IQSEC1: variants seen among roughly 807,000 people sequenced by gnomAD.
IQSEC1 encodes IQ motif and Sec7 domain ArfGEF 1, also known as IQ motif and SEC7 domain-containing protein 1.
IQSEC1 carries 31 observed loss-of-function variants against 91.0 expected under a neutral mutation model. The ratio of observed to expected loss-of-function variants is 0.34; its 90% CI spans 0.26 to 0.46. The LOEUF is 0.46. Among genes scored for constraint, IQSEC1 ranks in the 20% least tolerant of loss-of-function variants. IQSEC1 has a pLI of 1.00. For synonymous variants in IQSEC1, 699 were observed against 662.6 expected (o/e 1.05, Z -0.84); for missense variants, 1,388 against 1,575.6 (o/e 0.88, Z 2.02).
chr3:13,044,284 C>A (rs1208798830), intron 1 of IQSEC1, among the ~76,000 whole-genome samples: 1 of 152,148 alleles, frequency 6.6e-6, no homozygotes. Flanking sequence ...GGAGAGAGTG[C>A]CAGCATCCAG....
intron 1 of IQSEC1, among the ~76,000 whole-genome samples, chr3:12,988,277 T>C (rs1220485724): frequency 1.3e-5 from 2 of 152,042 alleles, no homozygotes; most frequent in East Asian, 3.9e-4. Context: ...TAGCCAGGCG[T>C]GGTGGTAGGA....
rs1694452940 is a variant in IQSEC1, at chr3:13,211,780, C to A, written c.273-47647G>T. Among the ~76,000 whole-genome samples the A allele has an allele frequency of 6.6e-6, 1 of 152,312 alleles. No homozygotes were observed. Among genetic ancestry groups the A allele is most frequent in the South Asian group, 2.1e-4 (1 of 4,820 alleles). On this transcript the variant is annotated intron_variant, in intron 1 of 15. Transcript: ENST00000648114. This position sits in a 1 kb window ranked among gnomAD's most constrained non-coding sequence, Gnocchi z 5.3. The stretch of plus-strand genomic sequence containing the variant: ...CTTCCTGGAAGGCCCTCTCTCCCTG[C>A]CCCCATCCTGGCAGATGAAATCCCT...
intron 3 of IQSEC1, among the ~76,000 whole-genome samples, chr3:12,932,397 T>A (rs1336279169): frequency 6.6e-6 from 1 of 152,232 alleles, no homozygotes; most frequent in Non-Finnish European, 1.5e-5. Flanking sequence ...AGGAGCCAAG[T>A]GGCCAGGGTG....
intron 1 of IQSEC1, among the ~76,000 whole-genome samples, chr3:13,213,619 T>C (rs1259317947): frequency 6.6e-6 from 1 of 152,190 alleles, no homozygotes; most frequent in Non-Finnish European, 1.5e-5. Context: ...GCCATGTTTT[T>C]AGTCATGAAA....
At chr3:13,045,074 A>T (rs929144750) in intron 1 of IQSEC1, among the ~76,000 whole-genome samples, 1 of 152,192 alleles carries the variant, frequency 6.6e-6, no homozygotes, top group African/African-American at 2.4e-5. Flanking sequence ...GCAAGATGGC[A>T]GGATGGGGCA....
rs142810623 is a variant in IQSEC1, at chr3:13,188,792, G to A, written c.273-24659C>T. On this transcript the variant is annotated intron_variant, in intron 1 of 15. Transcript: ENST00000648114. The stretch of plus-strand genomic sequence containing the variant: ...TCCACAGGAAAAAGCCAACTAGAGG[G>A]AAGCAGAGCTGAGAGAGGGAAAGAG... 2.1e-3 allele frequency among the ~76,000 whole-genome samples: 320 copies of A among 152,370 alleles called. 2 individuals are homozygous for A. The highest frequency in any genetic ancestry group is 7.5e-3 in the African/African-American group (312 of 41,582).
chr3:12,936,374 G>A lies in IQSEC1; in HGVS notation c.642C>T (p.Pro214=). 1 of 1,598,674 alleles carries A rather than the reference G, an allele frequency of 6.3e-7. No individual in the cohort carries two copies. The highest frequency in any genetic ancestry group is 1.1e-5 in the South Asian group (1 of 89,506). The change falls in exon 3 of 14, where the codon CCC becomes CCT. Residue 214 remains proline, a synonymous_variant. Transcript: ENST00000613206. The part of the protein sequence containing the change: ...SEPTTLKSPA[P]SSDFADAITE... Reference sequence around the variant, plus strand: ...TGATGGCGTCCGCAAAGTCACTGGAGGGGGCCGGAGACTTGAGGGTGGTGG... The same window carrying A: ...TGATGGCGTCCGCAAAGTCACTGGAAGGGGCCGGAGACTTGAGGGTGGTGG...
chr3:13,274,055 G>A (rs1224095834), intron 1 of IQSEC1, among the ~76,000 whole-genome samples: 1 of 152,218 alleles, frequency 6.6e-6, no homozygotes, highest in African/African-American at 2.4e-5. Flanking sequence ...GGGGGAGAAA[G>A]TACAAGCAAA....
chr3:13,095,827 C>T (rs1253388436), intron 2 of IQSEC1, among the ~76,000 whole-genome samples: 3 of 152,188 alleles, frequency 2.0e-5, no homozygotes, highest in South Asian at 2.1e-4. Context: ...CACGCAAAAG[C>T]GCTGAGCCAG....
intron 2 of IQSEC1, among the ~76,000 whole-genome samples, chr3:13,148,542 A>G (rs1346848333): frequency 1.3e-5 from 2 of 152,212 alleles, no homozygotes; most frequent in African/African-American, 4.8e-5. Flanking sequence ...TTGCAGGTTT[A>G]TGGGTTTTTG....
intron 2 of IQSEC1, among the ~76,000 whole-genome samples, chr3:13,115,031 C>G (rs1413390143): frequency 1.3e-5 from 2 of 151,980 alleles, no homozygotes; most frequent in Non-Finnish European, 2.9e-5. Context: ...CTGGAGGTGC[C>G]GGGCAGGGGG....
intron 1 of IQSEC1, among the ~76,000 whole-genome samples, chr3:13,009,894 A>G (rs1702804097): frequency 6.6e-6 from 1 of 151,978 alleles, no homozygotes; most frequent in South Asian, 2.1e-4. Flanking sequence ...TCCTCCATCC[A>G]AGCTCCCTAG....
At chr3:13,280,353 G>A (rs537299070) in intron 1 of IQSEC1, among the ~76,000 whole-genome samples, 2 of 152,306 alleles carry the variant, frequency 1.3e-5, no homozygotes, top group South Asian at 4.1e-4. Flanking sequence ...ATGTTCCTTA[G>A]GCATAAATCA....
At chr3:13,239,004 CT>C in intron 1 of IQSEC1, among the ~76,000 whole-genome samples, 1 of 152,314 alleles carries the variant, frequency 6.6e-6, no homozygotes. Context: ...GCCCACCAGC[CT>C]TTCCTCATTC....
intron 2 of IQSEC1, among the ~76,000 whole-genome samples, chr3:13,100,168 C>T (rs552183580): frequency 1.4e-5 from 2 of 147,878 alleles, no homozygotes; most frequent in East Asian, 1.9e-4. Flanking sequence ...GGAGAGACTC[C>T]GTGGTCCTAA....
chr3:13,217,190 G>T (rs1694566287), intron 1 of IQSEC1, among the ~76,000 whole-genome samples: 1 of 152,080 alleles, frequency 6.6e-6, no homozygotes, highest in Non-Finnish European at 1.5e-5. Flanking sequence ...TCACTGAATG[G>T]TGCAATTACC....
At chr3:13,108,474 G>T (rs1230768042) in intron 2 of IQSEC1, among the ~76,000 whole-genome samples, 1 of 151,832 alleles carries the variant, frequency 6.6e-6, no homozygotes, top group Non-Finnish European at 1.5e-5. Context: ...CGTCCCATTT[G>T]TATCTCCACC....
Position 12,922,177 on chromosome 3 carries a change from G to A in IQSEC1, c.1796C>T (p.Ala599Val). ...ELDEALRKFQ[A>V]HIRVQGEAQK... ...AGCCTCCCCTTGGACACGGATGTGCGCCTGGAATTTCCTGAGGGCCTCATC... is the reference window on the plus strand; with the variant it reads ...AGCCTCCCCTTGGACACGGATGTGCACCTGGAATTTCCTGAGGGCCTCATC... The change falls in exon 5 of 14, where the codon GCG becomes GTG. Residue 599 changes from alanine to valine, a missense_variant. Ala to Val is a moderately conservative substitution (Grantham distance 64, BLOSUM62 0). Coordinates refer to ENST00000613206, the MANE Select transcript of IQSEC1 (RefSeq NM_001134382.3). The surrounding 1 kb of genome is among the most constrained non-coding windows in gnomAD (Gnocchi z 5.1). 6.2e-7 allele frequency: 1 copy of A among 1,610,254 alleles called. No individual in the cohort carries two copies. The highest frequency in any genetic ancestry group is 8.5e-7 in the Non-Finnish European group (1 of 1,177,614).
chr3:12,996,429 C>G (rs79883609), intron 1 of IQSEC1, among the ~76,000 whole-genome samples: 2 of 152,266 alleles, frequency 1.3e-5, no homozygotes, highest in South Asian at 4.1e-4. Flanking sequence ...CACCCTGCCT[C>G]GCTTCCAAGG....
Sources: allele counts gnomAD v4.1 joint callset (sites outside exome capture counted in the v4.1 genomes callset), GRCh38; gene constraint gnomAD v4.1.1; non-coding constraint Gnocchi (gnomAD v3.1); transcripts MANE v1.5; gene names NCBI Gene and HGNC (gene_info 2026-07-23, HGNC 2026-07-21).